The following FBXL20 variants were observed in gnomAD, a reference collection of about 807,000 sequenced individuals.
The protein encoded by FBXL20 is F-box/LRR-repeat protein 20.
Under a neutral mutation model 64.0 loss-of-function variants are expected in FBXL20, and 11 were observed. That is an observed-to-expected ratio of 0.17 (90% CI 0.11 to 0.28). The LOEUF is 0.28. Among genes scored for constraint, FBXL20 ranks in the 10% least tolerant of loss-of-function variants. FBXL20 has a pLI of 1.00. For synonymous variants in FBXL20, 184 were observed against 189.0 expected (o/e 0.97, Z 0.22); for missense variants, 303 against 526.2 (o/e 0.58, Z 4.15).
chr17:39,397,752 C>T (rs2048197550), intron 1 of FBXL20, among the ~76,000 whole-genome samples: 2 of 146,886 alleles, frequency 1.4e-5, no homozygotes, highest in South Asian at 4.3e-4. Flanking sequence ...GTAGCAAATA[C>T]AAAATAAAAT....
intron 1 of FBXL20, among the ~76,000 whole-genome samples, chr17:39,376,380 A>G (rs1260467826): frequency 6.6e-6 from 1 of 152,186 alleles, no homozygotes; most frequent in Non-Finnish European, 1.5e-5. Flanking sequence ...ACTAACCAAA[A>G]AGCTTAAAAG....
At chr17:39,362,373 G>A (rs953726548) in intron 1 of FBXL20, among the ~76,000 whole-genome samples, 2 of 152,156 alleles carry the variant, frequency 1.3e-5, no homozygotes, top group Admixed American at 6.5e-5. Flanking sequence ...GCTGAGGTAC[G>A]AGGACTGCCT....
At chr17:39,263,737 G>C (rs1212899969) in intron 14 of FBXL20, 1 of 161,192 alleles carries the variant, frequency 6.2e-6, no homozygotes, top group Non-Finnish European at 1.4e-5. Flanking sequence ...TACTTTACTT[G>C]TTGCCTTAAA....
At chr17:39,360,191 A>G (rs571501136) in intron 1 of FBXL20, among the ~76,000 whole-genome samples, 2 of 152,172 alleles carry the variant, frequency 1.3e-5, no homozygotes, top group African/African-American at 2.4e-5. Flanking sequence ...AGTGAAATTC[A>G]TAAGAGAAAG....
At chr17:39,324,157 C>T (rs1435360149) in intron 2 of FBXL20, among the ~76,000 whole-genome samples, 1 of 149,706 alleles carries the variant, frequency 6.7e-6, no homozygotes, top group Non-Finnish European at 1.5e-5. Flanking sequence ...TAAAGAACGG[C>T]TCATGAATCA....
rs1389510888 is a variant in FBXL20, at chr17:39,270,872, A to C, written c.828-16T>G. On this transcript the variant is annotated splice_polypyrimidine_tract_variant and intron_variant, in intron 10 of 14. Transcript: ENST00000264658. The stretch of plus-strand genomic sequence containing the variant: ...TTCCAATATTCTGTTAAAAAAAAAA[A>C]AAAAACAGTGAAAGTCAAGCTCTTG... 1.3e-6 allele frequency: 2 copies of C among 1,584,798 alleles called. No homozygotes were observed. Among genetic ancestry groups the C allele is most frequent in the Non-Finnish European group, 1.7e-6 (2 of 1,167,092 alleles).
At chr17:39,341,658 T>C (rs1340459091) in intron 2 of FBXL20, among the ~76,000 whole-genome samples, 1 of 152,224 alleles carries the variant, frequency 6.6e-6, no homozygotes, top group South Asian at 2.1e-4. Context: ...GGCTTGGACA[T>C]GTGACTCGCT....
chr17:39,287,986 T>C (rs116871796), intron 6 of FBXL20, among the ~76,000 whole-genome samples: 14,671 of 149,780 alleles, frequency 0.098, 624 homozygotes, highest in African/African-American at 0.14. Flanking sequence ...TTTTTTTTTT[T>C]TGAGATGGAC....
intron 2 of FBXL20, among the ~76,000 whole-genome samples, chr17:39,326,063 G>A (rs1176629527): frequency 6.6e-6 from 1 of 151,876 alleles, no homozygotes; most frequent in African/African-American, 2.4e-5. Context: ...TAAGAGTCTG[G>A]GACTTCCCTC....
intron 1 of FBXL20, among the ~76,000 whole-genome samples, chr17:39,368,484 C>G (rs1313493632): frequency 6.6e-6 from 1 of 152,116 alleles, no homozygotes; most frequent in Non-Finnish European, 1.5e-5. Flanking sequence ...CTTAAGAGAC[C>G]TTTTCCTACC....
chr17:39,380,989 G>A (rs186870338), intron 1 of FBXL20, among the ~76,000 whole-genome samples: 153 of 151,826 alleles, frequency 1.0e-3, no homozygotes, highest in Non-Finnish European at 1.5e-3. Flanking sequence ...GTGAAACCCC[G>A]TCTCTACTAA....
intron 2 of FBXL20, among the ~76,000 whole-genome samples, chr17:39,318,241 T>A (rs1372041371): frequency 1.4e-4 from 21 of 152,138 alleles, no homozygotes; most frequent in Admixed American, 1.4e-3. Context: ...TTTTAGTGGA[T>A]AAGAACAAAG....
intron 1 of FBXL20, among the ~76,000 whole-genome samples, chr17:39,351,198 T>C (rs2047683938): frequency 6.6e-6 from 1 of 151,952 alleles, no homozygotes; most frequent in Admixed American, 6.6e-5. Flanking sequence ...TAGCAGGGCA[T>C]GGTGGTGTGC....
At chr17:39,287,314 T>C (rs886980095) in intron 6 of FBXL20, among the ~76,000 whole-genome samples, 2 of 152,206 alleles carry the variant, frequency 1.3e-5, no homozygotes, top group African/African-American at 2.4e-5. Context: ...TTTTGACAAG[T>C]TGATTTGTTC....
intron 1 of FBXL20, among the ~76,000 whole-genome samples, chr17:39,347,101 T>A (rs1253630282): frequency 2.6e-5 from 4 of 152,240 alleles, no homozygotes; most frequent in Admixed American, 2.0e-4. Flanking sequence ...TGATGGACGT[T>A]TGGGTTGGTT....
chr17:39,401,406 G>A lies in FBXL20; in HGVS notation c.-4C>T. 3 of 1,602,388 alleles carry A rather than the reference G, an allele frequency of 1.9e-6. No homozygotes were observed. In the Middle Eastern group the frequency reaches 5.0e-4, roughly 267 times the overall value. On this transcript the variant is annotated 5_prime_UTR_variant, in exon 1 of 15. Coordinates refer to ENST00000264658, the MANE Select transcript of FBXL20 (RefSeq NM_032875.3). Reference sequence around the variant, plus strand: ...CTCCGTTCACGTCCCTCCTCATGGGGCCGGCGGGTGCGGCCCGGGCCGGGC... The same window carrying A: ...CTCCGTTCACGTCCCTCCTCATGGGACCGGCGGGTGCGGCCCGGGCCGGGC...
At position 39,324,253 on chromosome 17, in the gene FBXL20, C is replaced by A. The variant is rs2047388665; in HGVS notation, c.104+18927G>T. ...CTACAGATTCCTCTAGGTGAGAGAC[C>A]CAGGAATCTATCTTTTCTAAACATT... On this transcript the variant is annotated intron_variant, in intron 2 of 14. Transcript: ENST00000264658. Among the ~76,000 whole-genome samples, 2 of 149,416 alleles carry A rather than the reference C, an allele frequency of 1.3e-5. 1 individual carries two copies. The highest frequency in any genetic ancestry group is 1.3e-4 in the Admixed American group (2 of 15,164).
At chr17:39,394,985 A>T (rs2048169215) in intron 1 of FBXL20, among the ~76,000 whole-genome samples, 1 of 152,216 alleles carries the variant, frequency 6.6e-6, no homozygotes, top group Non-Finnish European at 1.5e-5. Context: ...ATAAATTTGC[A>T]AGAAAAGTGA....
intron 5 of FBXL20, chr17:39,297,559 G>A (rs1489347897): frequency 6.2e-6 from 1 of 162,492 alleles, no homozygotes; most frequent in Non-Finnish European, 1.3e-5. Context: ...ATAGGGATCA[G>A]AGAGCTTCTG....
Sources: gnomAD v4.1 joint callset for allele counts (sites outside exome capture counted in the v4.1 genomes callset) on GRCh38, gnomAD v4.1.1 for gene constraint, MANE v1.5 for transcripts, NCBI Gene and HGNC (gene_info 2026-07-23, HGNC 2026-07-21) for gene names.